ARHGAP15: variants seen among roughly 807,000 people sequenced by gnomAD.
ARHGAP15 encodes rho GTPase-activating protein 15.
Under a neutral mutation model 63.7 loss-of-function variants are expected in ARHGAP15, and 51 were observed. The ratio of observed to expected loss-of-function variants is 0.80; its 90% CI spans 0.64 to 1.01. The LOEUF (loss-of-function observed/expected upper bound fraction) is 1.01, where lower values mean the gene tolerates loss of function less well. Ranked by LOEUF, ARHGAP15 falls within the 50% of genes least tolerant of loss-of-function variation. The pLI is 0.00. For synonymous variants in ARHGAP15, 191 were observed against 193.8 expected, an observed-to-expected ratio of 0.99 and a Z score of 0.12; for missense variants, 560 against 564.6, an observed-to-expected ratio of 0.99 and a Z score of 0.08.
intron 2 of ARHGAP15, among the ~76,000 whole-genome samples, chr2:143,159,880 TTA>T (rs1363095687): frequency 6.6e-6 from 1 of 151,930 alleles, no homozygotes; most frequent in Non-Finnish European, 1.5e-5. Context: ...TGAAAATGGA[TTA>T]GTTTCCTTCT....
chr2:143,513,421 G>T (rs1360174852), intron 9 of ARHGAP15, among the ~76,000 whole-genome samples: 3 of 152,090 alleles, frequency 2.0e-5, no homozygotes, highest in African/African-American at 7.2e-5. Context: ...CCTCTTCCAG[G>T]TCTTATCTCC....
intron 9 of ARHGAP15, among the ~76,000 whole-genome samples, chr2:143,511,163 GC>G (rs754568710): frequency 6.6e-6 from 1 of 152,194 alleles, no homozygotes; most frequent in East Asian, 1.9e-4. Flanking sequence ...AAGTTTGAGA[GC>G]TTAAAGATTA....
At chr2:143,260,732 A>G (rs1680673724) in intron 6 of ARHGAP15, among the ~76,000 whole-genome samples, 1 of 152,134 alleles carries the variant, frequency 6.6e-6, no homozygotes, top group Admixed American at 6.5e-5. Context: ...CATACTTGAT[A>G]TTCCCTTTGT....
rs188843671 is a variant in ARHGAP15, at chr2:143,462,413, T to C, written c.704-24960T>C. ...AGAAATGATTCCTGACCATTAAGTCTTCTGCAATGCCATGATAGCAAAAAA... is the reference window on the plus strand; with the variant it reads ...AGAAATGATTCCTGACCATTAAGTCCTCTGCAATGCCATGATAGCAAAAAA... On this transcript the variant is annotated intron_variant, in intron 8 of 13. Coordinates refer to ENST00000295095, the MANE Select transcript of ARHGAP15 (RefSeq NM_018460.4). Among the ~76,000 whole-genome samples, 25 of 152,324 alleles carry C rather than the reference T, an allele frequency of 1.6e-4. No individual in the cohort carries two copies. In the East Asian group the frequency reaches 4.6e-3, roughly 28 times the overall value.
At chr2:143,737,130 A>G (rs1685775459) in intron 13 of ARHGAP15, among the ~76,000 whole-genome samples, 1 of 152,256 alleles carries the variant, frequency 6.6e-6, no homozygotes, top group African/African-American at 2.4e-5. Context: ...GTTGAGAGTC[A>G]TTAACTAGCC....
intron 10 of ARHGAP15, among the ~76,000 whole-genome samples, chr2:143,537,512 A>G (rs1377510679): frequency 1.3e-5 from 2 of 152,104 alleles, no homozygotes; most frequent in African/African-American, 4.8e-5. Flanking sequence ...ATGGTTTTAG[A>G]TCTAACATGT....
At chr2:143,679,333 G>A (rs1382570537) in intron 12 of ARHGAP15, among the ~76,000 whole-genome samples, 1 of 152,188 alleles carries the variant, frequency 6.6e-6, no homozygotes, top group Non-Finnish European at 1.5e-5. Context: ...AAATAGCCAT[G>A]AATTACTAGA....
intron 2 of ARHGAP15, among the ~76,000 whole-genome samples, chr2:143,160,468 C>A (rs1056323368): frequency 6.6e-6 from 1 of 151,892 alleles, no homozygotes; most frequent in Non-Finnish European, 1.5e-5. Flanking sequence ...ATGTGTCTTC[C>A]ACTGCAATTT....
intron 6 of ARHGAP15, among the ~76,000 whole-genome samples, chr2:143,357,703 AAATT>A (rs1685867833): frequency 1.3e-5 from 2 of 152,210 alleles, no homozygotes; most frequent in African/African-American, 2.4e-5. Context: ...AGTATAGTAA[AAATT>A]AATAATAGAT....
At chr2:143,568,213 T>C (rs1315754537) in intron 11 of ARHGAP15, among the ~76,000 whole-genome samples, 1 of 151,990 alleles carries the variant, frequency 6.6e-6, no homozygotes, top group East Asian at 1.9e-4. Context: ...CAAAAGAAAC[T>C]ACCATCAGAG....
At chr2:143,740,928 AAAAG>A (rs1333717845) in intron 13 of ARHGAP15, among the ~76,000 whole-genome samples, 47 of 152,324 alleles carry the variant, frequency 3.1e-4, no homozygotes, top group African/African-American at 1.1e-3. Context: ...AATTGAAAAA[AAAAG>A]AAAAAGAAAG....
intron 11 of ARHGAP15, among the ~76,000 whole-genome samples, chr2:143,574,495 A>T (rs972678576): frequency 3.9e-5 from 6 of 151,916 alleles, no homozygotes; most frequent in Non-Finnish European, 7.4e-5. Flanking sequence ...TAATAAAATT[A>T]AAAAATAATA....
chr2:143,546,521 G>A (rs1034243631), intron 10 of ARHGAP15, among the ~76,000 whole-genome samples: 9 of 152,082 alleles, frequency 5.9e-5, no homozygotes, highest in Non-Finnish European at 1.3e-4. Flanking sequence ...GCTTTCCTTA[G>A]GAATAGCATC....
chr2:143,470,947 C>A (rs564863356), intron 8 of ARHGAP15, among the ~76,000 whole-genome samples: 12 of 139,174 alleles, frequency 8.6e-5, no homozygotes, highest in African/African-American at 3.0e-4. Flanking sequence ...TGTGTATATA[C>A]ACACATGTGT....
intron 13 of ARHGAP15, among the ~76,000 whole-genome samples, chr2:143,724,514 C>T (rs1685197908): frequency 6.6e-6 from 1 of 152,176 alleles, no homozygotes; most frequent in African/African-American, 2.4e-5. Flanking sequence ...TAACTTTAAT[C>T]CTTCAGGGCA....
intron 6 of ARHGAP15, among the ~76,000 whole-genome samples, chr2:143,360,564 G>T (rs1686004884): frequency 6.6e-6 from 1 of 151,802 alleles, no homozygotes; most frequent in Non-Finnish European, 1.5e-5. Flanking sequence ...TTTAAGCAAA[G>T]ACATTGGACT....
At chr2:143,516,998 G>C (rs1304538680) in intron 9 of ARHGAP15, among the ~76,000 whole-genome samples, 1 of 152,182 alleles carries the variant, frequency 6.6e-6, no homozygotes, top group Non-Finnish European at 1.5e-5. Flanking sequence ...TGCCAGGCCT[G>C]GAGGGCAGTG....
chr2:143,721,061 CAAAAAA>C (rs60500194), intron 13 of ARHGAP15, among the ~76,000 whole-genome samples: 33 of 78,432 alleles, frequency 4.2e-4, no homozygotes, highest in Admixed American at 8.0e-4. Flanking sequence ...GACTCCGTCT[CAAAAAA>C]AAAAAAAAAA....
At chr2:143,253,336 A>G (rs1302269385) in intron 6 of ARHGAP15, among the ~76,000 whole-genome samples, 1 of 152,108 alleles carries the variant, frequency 6.6e-6, no homozygotes, top group Non-Finnish European at 1.5e-5. Context: ...AAGTCTCAGA[A>G]GCACACATTT....
Sources: gnomAD v4.1 joint callset for allele counts (sites outside exome capture counted in the v4.1 genomes callset) on GRCh38, gnomAD v4.1.1 for gene constraint, MANE v1.5 for transcripts, NCBI Gene and HGNC (gene_info 2026-07-23, HGNC 2026-07-21) for gene names.